Variants in WNK1 observed in about 807,000 individuals in gnomAD.
The protein encoded by WNK1 is serine/threonine-protein kinase WNK1.
A neutral mutation model predicts 222.8 loss-of-function variants in WNK1; 38 were observed. That is an observed-to-expected ratio of 0.17 (90% CI 0.13 to 0.22). WNK1 has a LOEUF of 0.22. WNK1 is among the 10% of genes least tolerant of loss of function. WNK1 has a pLI of 1.00. For missense variants in WNK1, 2,348 were observed against 2,918.4 expected, an observed-to-expected ratio of 0.80 and a Z score of 4.50; for synonymous variants, 1,090 against 1,092.9, an observed-to-expected ratio of 1.00 and a Z score of 0.05.
chr12:843,726 A>G (rs1210283887), intron 4 of WNK1, among the ~76,000 whole-genome samples: 3 of 152,218 alleles, frequency 2.0e-5, no homozygotes, highest in Admixed American at 1.3e-4. Flanking sequence ...TAGCAAACCA[A>G]CCATGCAAAG....
intron 8 of WNK1, chr12:869,226 T>A: frequency 7.1e-7 from 1 of 1,413,052 alleles, no homozygotes; most frequent in Non-Finnish European, 1.0e-6. Context: ...ATTTTATCAG[T>A]AGAGTTTCCC....
chr12:883,890 T>A, intron 17 of WNK1, 59 bp downstream of exon 17: 1 of 1,594,518 alleles, frequency 6.3e-7, no homozygotes, highest in Non-Finnish European at 8.5e-7. Flanking sequence ...TAGCCGAGGG[T>A]GGTGGCAGGC....
chr12:907,402 C>A (rs541934822), intron 26 of WNK1, among the ~76,000 whole-genome samples: 23 of 152,094 alleles, frequency 1.5e-4, no homozygotes, highest in African/African-American at 5.5e-4. Context: ...AGCCAAGCAT[C>A]TTTTCCTACT....
At chr12:878,735 A>G (rs747290262) in intron 10 of WNK1, among the ~76,000 whole-genome samples, 1 of 144,288 alleles carries the variant, frequency 6.9e-6, no homozygotes, top group Non-Finnish European at 1.6e-5. Flanking sequence ...CTAGGTTTGA[A>G]ACTATGCTTT....
intron 14 of WNK1, among the ~76,000 whole-genome samples, chr12:882,325 A>G (rs918907085): frequency 2.0e-5 from 3 of 152,134 alleles, no homozygotes; most frequent in Non-Finnish European, 4.4e-5. Context: ...CAGCCTCCCA[A>G]GTAGCTGGGA....
At chr12:905,522 T>G (rs990104626) in intron 26 of WNK1, among the ~76,000 whole-genome samples, 1 of 152,158 alleles carries the variant, frequency 6.6e-6, no homozygotes, top group African/African-American at 2.4e-5. Flanking sequence ...CTCCTGAGCT[T>G]CTTGTATTTA....
chr12:804,912 A>ATTTT (rs374820355), intron 1 of WNK1, among the ~76,000 whole-genome samples: 13 of 146,978 alleles, frequency 8.8e-5, no homozygotes, highest in South Asian at 2.1e-4. Context: ...TTTATATTTT[A>ATTTT]TATATATAAT....
intron 1 of WNK1, among the ~76,000 whole-genome samples, chr12:767,953 C>T (rs1263311302): frequency 6.6e-6 from 1 of 152,082 alleles, no homozygotes; most frequent in African/African-American, 2.4e-5. Flanking sequence ...CTAGATGGCT[C>T]CTTTCTACCT....
chr12:787,056 T>G (rs1335479576), intron 1 of WNK1, among the ~76,000 whole-genome samples: 2 of 152,218 alleles, frequency 1.3e-5, no homozygotes, highest in African/African-American at 4.8e-5. Flanking sequence ...AGTCTATCTT[T>G]TATGTAATTT....
Position 884,970 on chromosome 12 carries a change from G to A in WNK1, c.4166G>A (p.Ser1389Asn). 6.2e-7 allele frequency: 1 copy of A among 1,614,164 alleles called. No individual in the cohort carries two copies. The highest frequency in any genetic ancestry group is 1.1e-5 in the South Asian group (1 of 91,090). The change falls in exon 19 of 28, where the codon AGC becomes AAC. Residue 1389 changes from serine (S) to asparagine (N), a missense_variant. This residue lies in a region of WNK1 where 1,144 missense variants were observed against 1,273.6 expected (regional missense o/e 0.90). Transcript: ENST00000315939. The surrounding 1 kb of genome is among the most constrained non-coding windows in gnomAD (Gnocchi z 5.6). ...TEEGIAGVAT[S>N]TGVVTSGGLP... ...GAGGGGATTGCTGGAGTTGCCACCA[G>A]CACAGGTGTGGTAACTTCAGGTGGT... is the stretch of plus-strand genomic sequence containing the variant.
chr12:903,803 T>C (rs1209135201), intron 26 of WNK1, among the ~76,000 whole-genome samples: 2 of 152,222 alleles, frequency 1.3e-5, no homozygotes, highest in East Asian at 3.8e-4. Context: ...GGCACCTTAC[T>C]AGCTTGAGAT....
At chr12:860,974 T>G (rs1951177549) in intron 6 of WNK1, 39 bp from the exon 7 acceptor site, 1 of 1,599,370 alleles carries the variant, frequency 6.3e-7, no homozygotes, top group African/African-American at 1.3e-5. Flanking sequence ...TTGTTTTCTT[T>G]CAATATACTA....
Position 754,057 on chromosome 12 carries a change from C to T in WNK1, c.492C>T (p.Arg164=), listed in dbSNP as rs749382144. 1 of 1,601,536 alleles carries T rather than the reference C, an allele frequency of 6.2e-7. No homozygotes were observed. The highest frequency in any genetic ancestry group is 1.7e-5 in the Admixed American group (1 of 57,210). ...STVPSSTSKD[R]PVSQPSLVGS... ...TCCCCAGCAGTACCAGCAAAGACCGCCCAGTGTCCCAGCCTAGCCTTGTGG... is the reference window on the plus strand; with the variant it reads ...TCCCCAGCAGTACCAGCAAAGACCGTCCAGTGTCCCAGCCTAGCCTTGTGG... Residue 164 remains arginine, a synonymous_variant, in exon 1 of 28, where the codon CGC becomes CGT. Coordinates refer to ENST00000315939, the MANE Select transcript of WNK1 (RefSeq NM_018979.4).
At chr12:830,591 A>T (rs945728543) in intron 4 of WNK1, among the ~76,000 whole-genome samples, 1 of 152,226 alleles carries the variant, frequency 6.6e-6, no homozygotes, top group African/African-American at 2.4e-5. Context: ...ATATATTAGT[A>T]CCTACCATAT....
Position 838,078 on chromosome 12 carries a change from A to AGTGTGTGTGT in WNK1, c.1311+7941_1311+7950dup, listed in dbSNP as rs3072742. On this transcript the variant is annotated intron_variant, in intron 4 of 27. Transcript: ENST00000315939. ...CCTCTTTAAGTCTGAGTAATATTCCAGTGTGTGTGTGTGTGTGTGTGTGTG... is the reference window on the plus strand; with the variant it reads ...CCTCTTTAAGTCTGAGTAATATTCCAGTGTGTGTGTGTGTGTGTGTGTGTGTGTGTGTGTG... Among the ~76,000 whole-genome samples, 396 of 148,880 alleles carry AGTGTGTGTGT rather than the reference A, an allele frequency of 2.7e-3. 4 individuals are homozygous for AGTGTGTGTGT. Among genetic ancestry groups the AGTGTGTGTGT allele is most frequent in the African/African-American group, 8.5e-3 (343 of 40,236 alleles).
chr12:769,883 A>T (rs776122971), intron 1 of WNK1, among the ~76,000 whole-genome samples: 20 of 152,160 alleles, frequency 1.3e-4, no homozygotes, highest in Non-Finnish European at 2.6e-4. Context: ...AGAGAGTGTG[A>T]ACCCACTCTC....
In WNK1 at chr12:809,130, T is replaced by C. The variant is rs192051560; in HGVS notation, c.760-4512T>C. Among the ~76,000 whole-genome samples, 42 of 145,036 alleles carry C rather than the reference T, an allele frequency of 2.9e-4. No homozygotes were observed. The East Asian group carries it at 8.5e-3, about 29-fold the overall frequency. ...GAAACAGAAACTTTTTGTAAATAAA[T>C]AAAGTGTATAAAGGTGAGCCATATT... is the stretch of plus-strand genomic sequence containing the variant. On this transcript the variant is annotated intron_variant, in intron 1 of 27. Coordinates refer to ENST00000315939, the MANE Select transcript of WNK1 (RefSeq NM_018979.4).
intron 4 of WNK1, among the ~76,000 whole-genome samples, chr12:846,807 C>T (rs1950058851): frequency 6.6e-6 from 1 of 152,128 alleles, no homozygotes; most frequent in South Asian, 2.1e-4. Flanking sequence ...ATTCACCCTA[C>T]CTTTTTACTG....
intron 4 of WNK1, among the ~76,000 whole-genome samples, chr12:833,830 A>C (rs1948987773): frequency 6.6e-6 from 1 of 152,216 alleles, no homozygotes; most frequent in African/African-American, 2.4e-5. Context: ...GTGCCAGTAA[A>C]TGCAACATTT....
Sources: allele counts gnomAD v4.1 joint callset (sites outside exome capture counted in the v4.1 genomes callset), GRCh38; gene constraint gnomAD v4.1.1; regional missense constraint gnomAD v4.1.1; non-coding constraint Gnocchi (gnomAD v3.1); transcripts MANE v1.5; gene names NCBI Gene and HGNC (gene_info 2026-07-23, HGNC 2026-07-21).